The following DSCAM variants were observed in gnomAD, a reference collection of about 807,000 sequenced individuals.
DSCAM encodes the protein DS cell adhesion molecule, also known as cell adhesion molecule DSCAM.
In DSCAM, 47 loss-of-function variants were observed where a neutral mutation model predicts 217.7. The observed-to-expected ratio is 0.22, with a 90% confidence interval of 0.17 to 0.28. The LOEUF (loss-of-function observed/expected upper bound fraction) is 0.28, where lower values mean the gene tolerates loss of function less well. Ranked by LOEUF, DSCAM falls within the 10% of genes least tolerant of loss-of-function variation. DSCAM has a pLI of 1.00. For synonymous variants in DSCAM, 1,056 were observed against 1,015.3 expected (o/e 1.04, Z -0.76); for missense variants, 2,080 against 2,618.3 (o/e 0.79, Z 4.49).
intron 11 of DSCAM, among the ~76,000 whole-genome samples, chr21:40,271,518 T>C (rs1569034676): frequency 6.6e-6 from 1 of 152,138 alleles, no homozygotes; most frequent in Non-Finnish European, 1.5e-5. Context: ...AGACAAACCT[T>C]AGGGATGGCT....
Position 40,213,520 on chromosome 21 carries a change from C to A in DSCAM, c.2357-24282G>T, listed in dbSNP as rs1050991665. On this transcript the variant is annotated intron_variant, in intron 11 of 32. Transcript: ENST00000400454. ...GCTTACCTACATGTGACCTGGGTAT[C>A]CATAATGCAGACATGAGCAACACAT... is the stretch of plus-strand genomic sequence containing the variant. Among the ~76,000 whole-genome samples, 3 of 152,164 alleles carry A rather than the reference C, an allele frequency of 2.0e-5. No individual in the cohort carries two copies. The East Asian group carries it at 5.8e-4, about 29-fold the overall frequency.
intron 1 of DSCAM, among the ~76,000 whole-genome samples, chr21:40,828,926 G>A (rs944113974): frequency 6.6e-6 from 1 of 152,316 alleles, no homozygotes; most frequent in East Asian, 1.9e-4. Context: ...CTGAAGTGCT[G>A]GGATTACAGG....
chr21:40,229,763 T>C (rs938164315), intron 11 of DSCAM, among the ~76,000 whole-genome samples: 1 of 152,376 alleles, frequency 6.6e-6, no homozygotes, highest in East Asian at 1.9e-4. Flanking sequence ...CACAGCTTGA[T>C]TGGTTCCAAA....
At chr21:40,397,958 C>T (rs74711366) in intron 3 of DSCAM, among the ~76,000 whole-genome samples, 11,894 of 152,108 alleles carry the variant, frequency 0.078, 792 homozygotes, top group Admixed American at 0.23. Context: ...CCACCACCAC[C>T]ACTACTGCCA....
intron 4 of DSCAM, among the ~76,000 whole-genome samples, chr21:40,363,995 T>C (rs1454225915): frequency 6.6e-6 from 1 of 152,106 alleles, no homozygotes; most frequent in South Asian, 2.1e-4. Context: ...CTTACACCAG[T>C]TAGAATGGTG....
At chr21:40,326,313 G>A (rs1308440168) in intron 8 of DSCAM, among the ~76,000 whole-genome samples, 1 of 152,158 alleles carries the variant, frequency 6.6e-6, no homozygotes, top group Non-Finnish European at 1.5e-5. Context: ...GCTGCAACTA[G>A]GCGTTCTTGT....
At chr21:40,688,231 T>G (rs1338833348) in intron 3 of DSCAM, among the ~76,000 whole-genome samples, 1 of 152,184 alleles carries the variant, frequency 6.6e-6, no homozygotes, top group Non-Finnish European at 1.5e-5. Context: ...GGCTGTGTCT[T>G]TGATGTTAAT....
intron 3 of DSCAM, among the ~76,000 whole-genome samples, chr21:40,459,148 T>C (rs1033029958): frequency 6.6e-5 from 10 of 152,052 alleles, no homozygotes; most frequent in Admixed American, 5.9e-4. Flanking sequence ...AATCAATGCA[T>C]TCGAAAACAG....
chr21:40,498,699 A>G (rs1258884441), intron 3 of DSCAM, among the ~76,000 whole-genome samples: 4 of 5,216 alleles, frequency 7.7e-4, no homozygotes, highest in African/African-American at 2.7e-3. Flanking sequence ...ATATATATAG[A>G]TATATATATA....
intron 3 of DSCAM, among the ~76,000 whole-genome samples, chr21:40,525,794 A>ATT (rs1323529929): frequency 1.3e-5 from 2 of 152,222 alleles, no homozygotes; most frequent in Non-Finnish European, 2.9e-5. Context: ...AGGTACCCTC[A>ATT]TTTCAGTCTC....
intron 28 of DSCAM, among the ~76,000 whole-genome samples, chr21:40,058,324 C>T (rs79497220): frequency 0.09 from 13,674 of 152,102 alleles, 1,108 homozygotes; most frequent in African/African-American, 0.21. Context: ...GCTGGCCCTG[C>T]GATGGGGACG....
intron 11 of DSCAM, among the ~76,000 whole-genome samples, chr21:40,264,380 A>T (rs2073494754): frequency 6.6e-6 from 1 of 152,186 alleles, no homozygotes; most frequent in African/African-American, 2.4e-5. Context: ...TGATAATTCT[A>T]AAGATGCAGG....
chr21:40,351,593 A>C (rs913096905), intron 5 of DSCAM, among the ~76,000 whole-genome samples: 2 of 152,174 alleles, frequency 1.3e-5, no homozygotes, highest in Non-Finnish European at 2.9e-5. Context: ...TTTGGAGCCC[A>C]AGAGAATGCC....
At chr21:40,749,916 C>T (rs1156328854) in intron 1 of DSCAM, among the ~76,000 whole-genome samples, 2 of 152,110 alleles carry the variant, frequency 1.3e-5, no homozygotes. Context: ...TCTAATCCTT[C>T]ATTGGCTCCA....
chr21:40,652,847 T>A (rs989950091), intron 3 of DSCAM, among the ~76,000 whole-genome samples: 12 of 152,204 alleles, frequency 7.9e-5, no homozygotes, highest in African/African-American at 2.9e-4. Context: ...GTTTTTATTC[T>A]TCTGGGACCC....
At chr21:40,064,226 A>C (rs1195719468) in intron 27 of DSCAM, among the ~76,000 whole-genome samples, 2 of 152,036 alleles carry the variant, frequency 1.3e-5, no homozygotes, top group Non-Finnish European at 2.9e-5. Context: ...CCTGGACTTA[A>C]TTAGCTCCAA....
At chr21:40,289,181 C>G (rs2073862177) in intron 10 of DSCAM, among the ~76,000 whole-genome samples, 1 of 152,156 alleles carries the variant, frequency 6.6e-6, no homozygotes, top group Non-Finnish European at 1.5e-5. Context: ...AGCTAAACTT[C>G]CAGCTACAGA....
At chr21:40,587,067 A>C (rs1601768070) in intron 3 of DSCAM, among the ~76,000 whole-genome samples, 1 of 148,992 alleles carries the variant, frequency 6.7e-6, no homozygotes, top group East Asian at 2.0e-4. Flanking sequence ...TATTATACTT[A>C]AAATAATCTT....
intron 32 of DSCAM, among the ~76,000 whole-genome samples, chr21:40,017,445 C>T (rs186338216): frequency 1.3e-4 from 20 of 152,194 alleles, no homozygotes; most frequent in South Asian, 8.3e-4. Context: ...ATGACCCCAG[C>T]GACACTGGAC....
Sources: gnomAD v4.1 joint callset for allele counts (sites outside exome capture counted in the v4.1 genomes callset) on GRCh38, gnomAD v4.1.1 for gene constraint, MANE v1.5 for transcripts, NCBI Gene and HGNC (gene_info 2026-07-23, HGNC 2026-07-21) for gene names.